ARHGAP26: variants seen among roughly 807,000 people sequenced by gnomAD.
ARHGAP26 encodes the protein rho GTPase-activating protein 26.
Under a neutral mutation model 104.8 loss-of-function variants are expected in ARHGAP26, and 38 were observed. The ratio of observed to expected loss-of-function variants is 0.36; its 90% CI spans 0.28 to 0.48. The LOEUF is 0.48. Among genes scored for constraint, ARHGAP26 ranks in the 20% least tolerant of loss-of-function variants. The probability of loss-of-function intolerance (pLI) is 0.99; values close to 1 mark genes in which losing one functional copy is unlikely to be tolerated. For missense variants in ARHGAP26, 704 were observed against 947.9 expected (o/e 0.74, Z 3.38); for synonymous variants, 341 against 340.0 (o/e 1.00, Z -0.03).
chr5:142,825,961 T>C (rs1201906780), intron 1 of ARHGAP26, among the ~76,000 whole-genome samples: 1 of 152,242 alleles, frequency 6.6e-6, no homozygotes, highest in Non-Finnish European at 1.5e-5. Context: ...ATTTAGTTTC[T>C]GGTGGCCGAG....
At chr5:142,838,346 A>T (rs1359076381) in intron 1 of ARHGAP26, among the ~76,000 whole-genome samples, 1 of 152,008 alleles carries the variant, frequency 6.6e-6, no homozygotes, top group Non-Finnish European at 1.5e-5. Flanking sequence ...TAGGTTTTGC[A>T]TTTTTCTTCC....
At chr5:143,152,594 A>T (rs1799981369) in intron 20 of ARHGAP26, among the ~76,000 whole-genome samples, 2 of 152,106 alleles carry the variant, frequency 1.3e-5, no homozygotes, top group South Asian at 4.1e-4. Flanking sequence ...AATCTTTGCA[A>T]CCCCTCCCAT....
intron 1 of ARHGAP26, among the ~76,000 whole-genome samples, chr5:142,792,186 T>G (rs1759993313): frequency 6.6e-6 from 1 of 152,206 alleles, no homozygotes; most frequent in Admixed American, 6.5e-5. Context: ...CCTCAGGGCA[T>G]AGTTTCTGCA....
intron 20 of ARHGAP26, among the ~76,000 whole-genome samples, chr5:143,181,746 G>A (rs1378560425): frequency 1.3e-5 from 2 of 152,210 alleles, no homozygotes; most frequent in African/African-American, 4.8e-5. Flanking sequence ...GGAGATGCCA[G>A]TGTCTTTGAG....
At position 143,121,004 on chromosome 5, in the gene ARHGAP26, A is replaced by C; in HGVS notation, c.1555A>C (p.Lys519Gln). Residue 519 changes from lysine to glutamine, a missense_variant, in exon 18 of 23, where the codon AAG becomes CAG. Around this residue, in one of 6 missense-constraint regions of ARHGAP26, gnomAD observed 287 missense variants for 438.8 expected, o/e 0.65. Coordinates refer to ENST00000645722, the MANE Select transcript of ARHGAP26 (RefSeq NM_001135608.3). ...NHLANVANNH[K>Q]QNLMTVANLG... ...TCCTCCCAGTGTTGCTAACAACCAC[A>C]AGCAGAATTTGATGACGGTGGCAAA... The C allele has an allele frequency of 2.5e-6, 4 of 1,613,138 alleles. No individual in the cohort carries two copies. Among genetic ancestry groups the C allele is most frequent in the Non-Finnish European group, 3.4e-6 (4 of 1,179,424 alleles).
At chr5:142,985,391 G>T (rs1289040403) in intron 11 of ARHGAP26, among the ~76,000 whole-genome samples, 2 of 152,130 alleles carry the variant, frequency 1.3e-5, no homozygotes, top group Non-Finnish European at 2.9e-5. Context: ...ACAGTATTGT[G>T]CAGTAATATC....
chr5:143,207,391 C>T (rs184478142), intron 21 of ARHGAP26, 83 bp downstream of exon 21: 13 of 1,614,168 alleles, frequency 8.1e-6, no homozygotes, highest in Admixed American at 1.7e-5. Flanking sequence ...AGTGTTCAGC[C>T]TCCTCGTCAA....
intron 11 of ARHGAP26, among the ~76,000 whole-genome samples, chr5:142,942,899 G>A (rs898104111): frequency 1.3e-5 from 2 of 152,192 alleles, no homozygotes; most frequent in Non-Finnish European, 2.9e-5. Flanking sequence ...TCCTGCCTCA[G>A]CCTCTGAGTA....
At chr5:142,771,784 C>T (rs561796104) in intron 1 of ARHGAP26, among the ~76,000 whole-genome samples, 12 of 152,126 alleles carry the variant, frequency 7.9e-5, no homozygotes, top group African/African-American at 2.6e-4. Context: ...TGCGTTTTTT[C>T]CTTTTGGTAC....
intron 17 of ARHGAP26, among the ~76,000 whole-genome samples, chr5:143,106,368 G>T (rs1794017975): frequency 6.6e-6 from 1 of 151,202 alleles, no homozygotes; most frequent in East Asian, 2.0e-4. Flanking sequence ...TGGTGGCAAC[G>T]ATTGCACAGC....
intron 1 of ARHGAP26, among the ~76,000 whole-genome samples, chr5:142,782,123 G>A (rs542821059): frequency 2.6e-5 from 4 of 152,320 alleles, no homozygotes; most frequent in African/African-American, 9.6e-5. Context: ...GGCATCTCCA[G>A]AGTTTCCTTC....
intron 20 of ARHGAP26, among the ~76,000 whole-genome samples, chr5:143,159,400 A>G (rs1414904064): frequency 6.6e-6 from 1 of 152,248 alleles, no homozygotes; most frequent in Non-Finnish European, 1.5e-5. Context: ...AGGACGGCCT[A>G]AATAAATAGT....
chr5:142,806,714 A>AC (rs909635891), intron 1 of ARHGAP26, among the ~76,000 whole-genome samples: 11 of 151,842 alleles, frequency 7.2e-5, no homozygotes, highest in South Asian at 2.1e-4. Flanking sequence ...CCAGTTATGT[A>AC]CCCCCCCACT....
chr5:143,224,479 A>T lies in ARHGAP26; in HGVS notation c.*2033A>T. The T allele has an allele frequency of 4.4e-6, 1 of 229,590 alleles. No individual in the cohort carries two copies. Among genetic ancestry groups the T allele is most frequent in the Non-Finnish European group, 8.6e-6 (1 of 115,754 alleles). 14.2% of individuals were successfully genotyped at this position (229,590 alleles called of 1,614,324 possible). A position where few individuals can be genotyped will look rare whatever the true frequency, so the allele number is the denominator to read the frequency against. ...AGAATGCCTACTTAGTAGTAAGATG[A>T]AGCTCAGGATTTAAATAAGTGGGGT... On this transcript the variant is annotated 3_prime_UTR_variant, in exon 23 of 23. Transcript: ENST00000645722.
chr5:143,054,301 T>TGAC (rs1415233641), intron 14 of ARHGAP26, 138 bp from the exon 15 acceptor site: 6 of 562,854 alleles, frequency 1.1e-5, no homozygotes, highest in African/African-American at 9.4e-5. Context: ...CCTAATTTAA[T>TGAC]AGGTAAAAAA....
chr5:142,926,895 C>T (rs1763987827), intron 10 of ARHGAP26, among the ~76,000 whole-genome samples: 1 of 152,172 alleles, frequency 6.6e-6, no homozygotes, highest in Admixed American at 6.5e-5. Flanking sequence ...TTGGAGCATT[C>T]ATCGTGTGCC....
intron 18 of ARHGAP26, among the ~76,000 whole-genome samples, chr5:143,129,585 G>T (rs1046130738): frequency 6.6e-6 from 1 of 152,210 alleles, no homozygotes; most frequent in Admixed American, 6.5e-5. Flanking sequence ...CAGTCCAGCT[G>T]CACTCCTTAT....
At chr5:143,106,893 T>C (rs1794101630) in intron 17 of ARHGAP26, among the ~76,000 whole-genome samples, 1 of 152,200 alleles carries the variant, frequency 6.6e-6, no homozygotes, top group Non-Finnish European at 1.5e-5. Context: ...GCTGTAGACT[T>C]CTGGACTGCA....
chr5:142,901,907 G>T (rs1274286025), intron 6 of ARHGAP26, 28 bp from the exon 7 acceptor site: 2 of 1,594,666 alleles, frequency 1.3e-6, no homozygotes, highest in South Asian at 2.2e-5. Context: ...CTGGTTATGT[G>T]ACCTTTGCCT....
Sources: gnomAD v4.1 joint callset for allele counts (sites outside exome capture counted in the v4.1 genomes callset) on GRCh38, gnomAD v4.1.1 for gene constraint, gnomAD v4.1.1 regional missense constraint, MANE v1.5 for transcripts, NCBI Gene and HGNC (gene_info 2026-07-23, HGNC 2026-07-21) for gene names.